HNF4G: variants seen among roughly 807,000 people sequenced by gnomAD.
The protein encoded by HNF4G is hepatocyte nuclear factor 4-gamma.
HNF4G carries 21 observed loss-of-function variants against 50.9 expected under a neutral mutation model. The ratio of observed to expected loss-of-function variants is 0.41; its 90% CI spans 0.29 to 0.59. The LOEUF (loss-of-function observed/expected upper bound fraction) is 0.59. Among genes scored for constraint, HNF4G ranks in the 20% least tolerant of loss-of-function variants. The pLI is 0.26. For synonymous variants in HNF4G, 198 were observed against 185.6 expected, an observed-to-expected ratio of 1.07 and a Z score of -0.54; for missense variants, 527 against 559.4, an observed-to-expected ratio of 0.94 and a Z score of 0.58.
intron 2 of HNF4G, among the ~76,000 whole-genome samples, chr8:75,497,851 G>A (rs1812818622): frequency 6.6e-6 from 1 of 151,876 alleles, no homozygotes; most frequent in South Asian, 2.1e-4. Flanking sequence ...ATATTATCCT[G>A]TCTTTGATTT....
intron 2 of HNF4G, among the ~76,000 whole-genome samples, chr8:75,530,191 A>G (rs1256935413): frequency 6.6e-6 from 1 of 152,182 alleles, no homozygotes; most frequent in African/African-American, 2.4e-5. Context: ...GGAAAATAGC[A>G]GAGCTGTGAT....
intron 9 of HNF4G, among the ~76,000 whole-genome samples, chr8:75,563,430 CAAAA>C (rs5892499): frequency 6.9e-6 from 1 of 144,548 alleles, no homozygotes. Context: ...AATTTTGAAG[CAAAA>C]AAAAAAAAGC....
chr8:75,484,297 TAAAATGG>T (rs1170576459), intron 1 of HNF4G, among the ~76,000 whole-genome samples: 10 of 152,246 alleles, frequency 6.6e-5, no homozygotes, highest in South Asian at 2.1e-4. Context: ...ATGTTTTCAG[TAAAATGG>T]AAAATGGAAA....
rs942726358 is a variant in HNF4G, at chr8:75,565,857, C to A, written c.*1761C>A. On this transcript the variant is annotated 3_prime_UTR_variant, in exon 10 of 10. Transcript: ENST00000396423. Reference sequence around the variant, plus strand: ...ATGATTTAATAGATTTAATAAAATTCCTTCACGACCTGGTACCCTTGTGAA... The same window carrying A: ...ATGATTTAATAGATTTAATAAAATTACTTCACGACCTGGTACCCTTGTGAA... 1 of 152,012 alleles carries A rather than the reference C, an allele frequency of 6.6e-6. No homozygotes were observed. Among genetic ancestry groups the A allele is most frequent in the Non-Finnish European group, 1.5e-5 (1 of 67,986 alleles). The allele number at this position is 152,012 out of a possible 1,614,324, so 9.4% of individuals were successfully genotyped here.
chr8:75,478,362 T>A (rs535470074), intron 1 of HNF4G, among the ~76,000 whole-genome samples: 1 of 152,230 alleles, frequency 6.6e-6, no homozygotes, highest in African/African-American at 2.4e-5. Context: ...ATTCTGCATA[T>A]TAGAATTCTG....
intron 1 of HNF4G, among the ~76,000 whole-genome samples, chr8:75,429,277 T>C (rs1390398700): frequency 6.6e-6 from 1 of 152,188 alleles, no homozygotes; most frequent in African/African-American, 2.4e-5. Context: ...CAATTTAGAC[T>C]TTGTCTTTCA....
intron 2 of HNF4G, among the ~76,000 whole-genome samples, chr8:75,498,052 G>A (rs1381583600): frequency 1.3e-5 from 2 of 151,726 alleles, no homozygotes; most frequent in South Asian, 2.1e-4. Context: ...ATCCCTGTCG[G>A]CACACAAGAC....
chr8:75,505,536 T>C (rs1813054531), intron 2 of HNF4G, among the ~76,000 whole-genome samples: 1 of 152,176 alleles, frequency 6.6e-6, no homozygotes, highest in Non-Finnish European at 1.5e-5. Flanking sequence ...CAATATTCAC[T>C]CACTAAAATA....
intron 5 of HNF4G, among the ~76,000 whole-genome samples, chr8:75,554,685 C>T (rs1807063868): frequency 6.6e-6 from 1 of 152,088 alleles, no homozygotes; most frequent in South Asian, 2.1e-4. Flanking sequence ...ATACAGATTT[C>T]TTCACTATTC....
At chr8:75,419,659 G>T (rs960598584) in intron 1 of HNF4G, among the ~76,000 whole-genome samples, 1 of 152,174 alleles carries the variant, frequency 6.6e-6, no homozygotes, top group Non-Finnish European at 1.5e-5. Flanking sequence ...TGCAGTACAA[G>T]CTCCATGATT....
chr8:75,441,819 C>A (rs1304292453), intron 1 of HNF4G, among the ~76,000 whole-genome samples: 1 of 152,166 alleles, frequency 6.6e-6, no homozygotes, highest in East Asian at 1.9e-4. Flanking sequence ...GTCCACAGAC[C>A]ACACATTGAT....
chr8:75,429,004 A>G (rs1009056309), intron 1 of HNF4G, among the ~76,000 whole-genome samples: 4 of 152,224 alleles, frequency 2.6e-5, no homozygotes, highest in African/African-American at 9.6e-5. Context: ...CTGGTAGAGA[A>G]TATGAGAAGA....
chr8:75,434,807 A>T (rs1251665658), intron 1 of HNF4G, among the ~76,000 whole-genome samples: 1 of 152,208 alleles, frequency 6.6e-6, no homozygotes. Context: ...TGTACACTTA[A>T]AACATTTAAA....
At chr8:75,483,172 A>G (rs1359576554) in intron 1 of HNF4G, among the ~76,000 whole-genome samples, 1 of 152,248 alleles carries the variant, frequency 6.6e-6, no homozygotes, top group Non-Finnish European at 1.5e-5. Flanking sequence ...GCTAAAATAA[A>G]TATAAAATGG....
intron 2 of HNF4G, among the ~76,000 whole-genome samples, chr8:75,494,626 A>G (rs1812721889): frequency 6.6e-6 from 1 of 152,106 alleles, no homozygotes; most frequent in Non-Finnish European, 1.5e-5. Flanking sequence ...ATTGTGGTTT[A>G]TTAGTTCTTG....
chr8:75,550,266 T>C (rs925593565), intron 3 of HNF4G, among the ~76,000 whole-genome samples: 3 of 152,138 alleles, frequency 2.0e-5, no homozygotes, highest in African/African-American at 7.2e-5. Flanking sequence ...ACCTCTAAAG[T>C]TTTGAAATTC....
chr8:75,547,806 T>G, intron 3 of HNF4G, 125 bp downstream of exon 3: 1 of 647,268 alleles, frequency 1.5e-6, no homozygotes, highest in Admixed American at 2.7e-5. Flanking sequence ...TAAGGAGGAA[T>G]CTATGATTCC....
chr8:75,501,417 G>C (rs1812922718), intron 2 of HNF4G, among the ~76,000 whole-genome samples: 1 of 152,164 alleles, frequency 6.6e-6, no homozygotes, highest in African/African-American at 2.4e-5. Flanking sequence ...CTCCAGCCCA[G>C]CTGACATAGT....
Position 75,564,179 on chromosome 8 carries a change from A to G in HNF4G, c.*83A>G. 7.0e-7 allele frequency: 1 copy of G among 1,426,076 alleles called. No homozygotes were observed. Among genetic ancestry groups the G allele is most frequent in the South Asian group, 1.3e-5 (1 of 79,408 alleles). 88.3% of individuals were successfully genotyped at this position (1,426,076 alleles called of 1,614,324 possible). On this transcript the variant is annotated 3_prime_UTR_variant, in exon 10 of 10. Transcript: ENST00000396423. ...TATCTCAGGATAGCACTTTTGGCAA[A>G]CTCTTAGCCAAGGCTTCTTCATTGG...
Sources: allele counts gnomAD v4.1 joint callset (sites outside exome capture counted in the v4.1 genomes callset), GRCh38; gene constraint gnomAD v4.1.1; transcripts MANE v1.5; gene names NCBI Gene and HGNC (gene_info 2026-07-23, HGNC 2026-07-21).